The following PITPNM2 variants were observed in gnomAD, a reference collection of about 807,000 sequenced individuals.
The protein encoded by PITPNM2 is membrane-associated phosphatidylinositol transfer protein 2.
Under a neutral mutation model 132.2 loss-of-function variants are expected in PITPNM2, and 35 were observed. The ratio of observed to expected loss-of-function variants is 0.26; its 90% CI spans 0.20 to 0.35. The LOEUF (loss-of-function observed/expected upper bound fraction) is 0.35. Among genes scored for constraint, PITPNM2 ranks in the 10% least tolerant of loss-of-function variants. The pLI is 1.00. For missense variants in PITPNM2, 1,332 were observed against 1,912.0 expected, an observed-to-expected ratio of 0.70 and a Z score of 5.66; for synonymous variants, 738 against 799.2, an observed-to-expected ratio of 0.92 and a Z score of 1.29.
intron 1 of PITPNM2, among the ~76,000 whole-genome samples, chr12:123,114,164 A>C (rs976287132): frequency 6.6e-6 from 1 of 152,110 alleles, no homozygotes; most frequent in Non-Finnish European, 1.5e-5. Flanking sequence ...TCGCTGTACA[A>C]ATTTTTGTGT....
In PITPNM2 at chr12:122,985,531, G is replaced by GT. The variant is rs1488038429; in HGVS notation, c.*495dup. The GT allele has an allele frequency of 3.9e-5, 6 of 154,752 alleles. No homozygotes were observed. The highest frequency in any genetic ancestry group is 1.4e-4 in the African/African-American group (6 of 41,538). The allele number at this position is 154,752 out of a possible 1,614,324, so 9.6% of individuals were successfully genotyped here. On this transcript the variant is annotated 3_prime_UTR_variant, in exon 26 of 26. Transcript: ENST00000320201. ...AACGGGGCTGTAGCCATAGGAGGTG[G>GT]TAATGGGTCTCCGCTCTCAAAAATC...
At chr12:123,040,905 T>C (rs2040449328) in intron 2 of PITPNM2, among the ~76,000 whole-genome samples, 1 of 152,230 alleles carries the variant, frequency 6.6e-6, no homozygotes, top group Non-Finnish European at 1.5e-5. Context: ...GAGTGTGGAA[T>C]AAACGTTGAC....
rs1288294122 is a variant in PITPNM2 at position 123,077,340 on chromosome 12, T to C, written c.-96+33045A>G. Among the ~76,000 whole-genome samples the C allele has an allele frequency of 2.0e-5, 3 of 152,150 alleles. No homozygotes were observed. Among genetic ancestry groups the C allele is most frequent in the Non-Finnish European group, 4.4e-5 (3 of 68,018 alleles). ...GACAAAACATTTCCTCACTGAACTC[T>C]CATTTTCAGATAATGAAGGATTGGT... On this transcript the variant is annotated intron_variant, in intron 2 of 25. Transcript: ENST00000320201. The surrounding 1 kb of genome is among the most constrained non-coding windows in gnomAD (Gnocchi z 4.8).
At chr12:123,066,090 G>A (rs1362129478) in intron 2 of PITPNM2, among the ~76,000 whole-genome samples, 2 of 152,224 alleles carry the variant, frequency 1.3e-5, no homozygotes, top group East Asian at 3.8e-4. Context: ...TGAGGTGTCA[G>A]TGTGTCTCAT....
intron 2 of PITPNM2, among the ~76,000 whole-genome samples, chr12:123,066,133 C>G (rs2041404063): frequency 6.6e-6 from 1 of 152,168 alleles, no homozygotes; most frequent in Non-Finnish European, 1.5e-5. Flanking sequence ...GATGAAAGCT[C>G]TTGCAGGTGC....
At chr12:123,092,642 G>A (rs2042299297) in intron 2 of PITPNM2, 2 of 152,250 alleles carry the variant, frequency 1.3e-5, no homozygotes, top group South Asian at 2.1e-4. Flanking sequence ...CCCCAGGTTC[G>A]GCCTGCGGAC....
intron 3 of PITPNM2, among the ~76,000 whole-genome samples, chr12:123,024,196 C>G (rs1249828330): frequency 6.6e-6 from 1 of 152,204 alleles, no homozygotes; most frequent in Admixed American, 6.5e-5. Flanking sequence ...CATCATTTGT[C>G]ATTAGGGAAA....
intron 23 of PITPNM2, among the ~76,000 whole-genome samples, 174 bp from the exon 24 acceptor site, chr12:122,987,003 A>C (rs2037964781): frequency 6.6e-6 from 1 of 152,276 alleles, no homozygotes; most frequent in African/African-American, 2.4e-5. Context: ...GGGTGCCCGC[A>C]CTGGGCGGCA....
intron 2 of PITPNM2, among the ~76,000 whole-genome samples, chr12:123,055,891 GACACACACAC>G (rs34425339): frequency 1.1e-4 from 17 of 148,954 alleles, no homozygotes; most frequent in African/African-American, 2.7e-4. Context: ...ATAGTTTGAA[GACACACACAC>G]ACACACACAC....
chr12:123,089,723 T>A (rs909372028), intron 2 of PITPNM2: 1 of 152,236 alleles, frequency 6.6e-6, no homozygotes, highest in African/African-American at 2.4e-5. Flanking sequence ...GACTGTGTCT[T>A]TCTCCCTCAT....
chr12:123,098,864 G>T (rs978583861), intron 2 of PITPNM2, among the ~76,000 whole-genome samples: 11 of 152,060 alleles, frequency 7.2e-5, no homozygotes, highest in Non-Finnish European at 1.3e-4. Flanking sequence ...TCAAGAACCT[G>T]AAACTTCTCA....
At chr12:123,092,447 T>C (rs1384461987) in intron 2 of PITPNM2, 1 of 152,224 alleles carries the variant, frequency 6.6e-6, no homozygotes. Flanking sequence ...TCAAACAGGA[T>C]TACTAAATCG....
intron 1 of PITPNM2, among the ~76,000 whole-genome samples, chr12:123,132,353 C>T (rs2043284221): frequency 6.6e-6 from 1 of 152,162 alleles, no homozygotes; most frequent in South Asian, 2.1e-4. Flanking sequence ...AGCTGGGCCA[C>T]AGGTGTGGGG....
At position 123,009,247 on chromosome 12, in the gene PITPNM2, G is replaced by A. The variant is rs1255647769; in HGVS notation, c.643+603C>T. ...GACATCATGCTATGACCTCGGCAGA[G>A]GGGGGTTTAGGGCTCTAGGTGAGGA... is the stretch of plus-strand genomic sequence containing the variant. On this transcript the variant is annotated intron_variant, in intron 6 of 25. Coordinates refer to ENST00000320201, the MANE Select transcript of PITPNM2 (RefSeq NM_020845.3). This position sits in a 1 kb window ranked among gnomAD's most constrained non-coding sequence, Gnocchi z 4.8. Among the ~76,000 whole-genome samples the A allele has an allele frequency of 2.6e-5, 4 of 152,206 alleles. No individual in the cohort carries two copies. The highest frequency in any genetic ancestry group is 4.4e-5 in the Non-Finnish European group (3 of 68,040).
intron 2 of PITPNM2, among the ~76,000 whole-genome samples, chr12:123,067,453 TCACACACACACACACACACACACA>T (rs55716436): frequency 8.8e-5 from 12 of 136,744 alleles, no homozygotes; most frequent in Middle Eastern, 3.6e-3. Flanking sequence ...TGAAACTCCA[TCACACACACACACACACACACACA>T]CACACACACA....
intron 3 of PITPNM2, among the ~76,000 whole-genome samples, chr12:123,021,472 C>G (rs2136325883): frequency 6.6e-6 from 1 of 152,358 alleles, no homozygotes; most frequent in East Asian, 1.9e-4. Flanking sequence ...GCTGGGACTA[C>G]AGGCGTGCAC....
chr12:123,114,427 G>A (rs1347962224), intron 1 of PITPNM2, among the ~76,000 whole-genome samples: 2 of 150,180 alleles, frequency 1.3e-5, no homozygotes, highest in Non-Finnish European at 3.0e-5. Flanking sequence ...TATACACCCT[G>A]CTTTATTTTA....
intron 1 of PITPNM2, among the ~76,000 whole-genome samples, chr12:123,143,716 T>C (rs927036811): frequency 1.3e-5 from 2 of 152,098 alleles, no homozygotes; most frequent in African/African-American, 4.8e-5. Context: ...AAGTACAGGG[T>C]CCCTCCTACC....
intron 1 of PITPNM2, among the ~76,000 whole-genome samples, chr12:123,142,259 A>G (rs1016869951): frequency 1.3e-5 from 2 of 152,262 alleles, no homozygotes; most frequent in African/African-American, 4.8e-5. Context: ...TACTCCCAGC[A>G]GCAAATGCAT....
Sources: allele counts gnomAD v4.1 joint callset (sites outside exome capture counted in the v4.1 genomes callset), GRCh38; gene constraint gnomAD v4.1.1; non-coding constraint Gnocchi (gnomAD v3.1); transcripts MANE v1.5; gene names NCBI Gene and HGNC (gene_info 2026-07-23, HGNC 2026-07-21).